Variants in TMEM131L observed in about 807,000 individuals in gnomAD.
The protein encoded by TMEM131L is transmembrane 131 like, also known as transmembrane protein 131-like.
In TMEM131L, 54 loss-of-function variants were observed where a neutral mutation model predicts 192.2. The ratio of observed to expected loss-of-function variants is 0.28; its 90% CI spans 0.23 to 0.35. The LOEUF (loss-of-function observed/expected upper bound fraction) is 0.35, where lower values mean the gene tolerates loss of function less well. Among genes scored for constraint, TMEM131L ranks in the 10% least tolerant of loss-of-function variants. The probability of loss-of-function intolerance (pLI) is 1.00; values close to 1 mark genes in which losing one functional copy is unlikely to be tolerated. For synonymous variants in TMEM131L, 701 were observed against 704.9 expected (o/e 0.99, Z 0.09); for missense variants, 1,888 against 1,972.9 (o/e 0.96, Z 0.82).
chr4:153,582,492 T>C (rs905088468), intron 9 of TMEM131L, among the ~76,000 whole-genome samples: 4 of 137,218 alleles, frequency 2.9e-5, no homozygotes, highest in Non-Finnish European at 4.6e-5. Context: ...TTGCTCAGGA[T>C]GGTCTTGAAC....
chr4:153,522,771 A>G (rs987110348), intron 3 of TMEM131L, among the ~76,000 whole-genome samples: 3 of 152,212 alleles, frequency 2.0e-5, no homozygotes, highest in Non-Finnish European at 4.4e-5. Context: ...ATCGTGTGCC[A>G]CAGCCCATTT....
chr4:153,633,275 G>A (rs1734343255), intron 32 of TMEM131L: 2 of 159,040 alleles, frequency 1.3e-5, no homozygotes, highest in Admixed American at 1.3e-4. Flanking sequence ...GGAGCGCAGT[G>A]GTGCAATTAT....
At chr4:153,500,636 T>A (rs1002026481) in intron 3 of TMEM131L, among the ~76,000 whole-genome samples, 1 of 152,232 alleles carries the variant, frequency 6.6e-6, no homozygotes, top group Non-Finnish European at 1.5e-5. Context: ...GTCCGTCATC[T>A]TCTTTTTATT....
chr4:153,621,875 TG>T, intron 28 of TMEM131L, 26 bp downstream of exon 28: 1 of 1,607,752 alleles, frequency 6.2e-7, no homozygotes, highest in East Asian at 2.2e-5. Context: ...GAGCTACAAA[TG>T]GTGCTTCTGT....
In TMEM131L at chr4:153,623,959, G is replaced by C. The variant is rs191534441; in HGVS notation, c.4045+876G>C. 5.3e-5 allele frequency among the ~76,000 whole-genome samples: 8 copies of C among 151,266 alleles called. No individual in the cohort carries two copies. In the South Asian group the frequency reaches 1.5e-3, roughly 28 times the overall value. On this transcript the variant is annotated intron_variant, in intron 29 of 34. Coordinates refer to ENST00000409959, the MANE Select transcript of TMEM131L (RefSeq NM_001131007.2). ...CTTCCCAAGAGAATCACTGTTTACT[G>C]TCATGAATTTGGTCTGGGTACTTTT...
At chr4:153,521,993 T>C (rs941928248) in intron 3 of TMEM131L, among the ~76,000 whole-genome samples, 4 of 152,132 alleles carry the variant, frequency 2.6e-5, no homozygotes, top group Non-Finnish European at 5.9e-5. Context: ...ACTTTTGTTA[T>C]TTTGGTGTAT....
intron 21 of TMEM131L, among the ~76,000 whole-genome samples, chr4:153,601,543 C>G (rs1731839426): frequency 6.6e-6 from 1 of 152,188 alleles, no homozygotes; most frequent in South Asian, 2.1e-4. Flanking sequence ...AAACAAACAC[C>G]TGTAGAACCA....
intron 2 of TMEM131L, among the ~76,000 whole-genome samples, chr4:153,469,403 A>G (rs1227554735): frequency 6.6e-6 from 1 of 152,128 alleles, no homozygotes; most frequent in Non-Finnish European, 1.5e-5. Flanking sequence ...AGTTATTTTA[A>G]GTGAATTATT....
At chr4:153,521,054 T>C (rs1193423166) in intron 3 of TMEM131L, among the ~76,000 whole-genome samples, 1 of 152,176 alleles carries the variant, frequency 6.6e-6, no homozygotes, top group Non-Finnish European at 1.5e-5. Flanking sequence ...GAAGTGGTTG[T>C]AGGGAGTATC....
intron 3 of TMEM131L, among the ~76,000 whole-genome samples, chr4:153,541,607 C>G (rs550181411): frequency 1.2e-4 from 18 of 152,182 alleles, no homozygotes; most frequent in African/African-American, 3.1e-4. Flanking sequence ...GATGGAAACA[C>G]GAGTCAGGAG....
At chr4:153,557,730 G>A (rs1728570107) in intron 6 of TMEM131L, among the ~76,000 whole-genome samples, 1 of 152,186 alleles carries the variant, frequency 6.6e-6, no homozygotes, top group Admixed American at 6.5e-5. Flanking sequence ...CAGAAGAGTT[G>A]CCTACTTGTG....
chr4:153,617,091 C>G (rs1189264664), intron 26 of TMEM131L, among the ~76,000 whole-genome samples: 1 of 152,062 alleles, frequency 6.6e-6, no homozygotes. Context: ...GGGAGGAACC[C>G]TATGGGAGGT....
chr4:153,570,691 T>G (rs533709372), intron 7 of TMEM131L, among the ~76,000 whole-genome samples: 1 of 152,346 alleles, frequency 6.6e-6, no homozygotes, highest in African/African-American at 2.4e-5. Context: ...GCAGAGCTTC[T>G]GCAGTCTGTG....
intron 3 of TMEM131L, among the ~76,000 whole-genome samples, chr4:153,526,159 C>A (rs1010598202): frequency 2.0e-5 from 3 of 152,064 alleles, no homozygotes; most frequent in African/African-American, 7.2e-5. Flanking sequence ...ACCCAGCCTG[C>A]TACTCCACTT....
chr4:153,487,165 C>T (rs1156726003), intron 3 of TMEM131L, among the ~76,000 whole-genome samples: 1 of 152,138 alleles, frequency 6.6e-6, no homozygotes, highest in Non-Finnish European at 1.5e-5. Flanking sequence ...GGTGAGGCAG[C>T]TCAGGGACCA....
chr4:153,536,994 C>G (rs185991187), intron 3 of TMEM131L, among the ~76,000 whole-genome samples: 1 of 152,296 alleles, frequency 6.6e-6, no homozygotes, highest in East Asian at 1.9e-4. Flanking sequence ...CCTGGCTGCG[C>G]TGGCAGCTGA....
chr4:153,631,526 A>G (rs1027141997), intron 31 of TMEM131L, among the ~76,000 whole-genome samples: 1 of 152,024 alleles, frequency 6.6e-6, no homozygotes, highest in Non-Finnish European at 1.5e-5. Flanking sequence ...GAGCTTTGGG[A>G]CCCCAAAGCT....
chr4:153,591,708 C>T (rs1211176050), intron 17 of TMEM131L, among the ~76,000 whole-genome samples: 2 of 152,158 alleles, frequency 1.3e-5, no homozygotes, highest in Non-Finnish European at 2.9e-5. Context: ...GAACTCTATA[C>T]CACACGTGAC....
chr4:153,603,945 A>G lies in TMEM131L; in HGVS notation c.2933A>G (p.Lys978Arg). 6.2e-7 allele frequency: 1 copy of G among 1,614,102 alleles called. No homozygotes were observed. The highest frequency in any genetic ancestry group is 8.5e-7 in the Non-Finnish European group (1 of 1,179,990). Residue 978 changes from lysine (K) to arginine (R), a missense_variant, in exon 25 of 35, where the codon AAG becomes AGG. Lys to Arg is a conservative substitution (Grantham distance 26). Coordinates refer to ENST00000409959, the MANE Select transcript of TMEM131L (RefSeq NM_001131007.2). Reference sequence around the variant, plus strand: ...GCCACCTATGGTCATTCTCAGAAGAAGCACAAATGCTCAGTGTATTACAGT... The same window carrying G: ...GCCACCTATGGTCATTCTCAGAAGAGGCACAAATGCTCAGTGTATTACAGT... ...SPATYGHSQK[K>R]HKCSVYYSKH...
Sources: allele counts gnomAD v4.1 joint callset (sites outside exome capture counted in the v4.1 genomes callset), GRCh38; gene constraint gnomAD v4.1.1; transcripts MANE v1.5; gene names NCBI Gene and HGNC (gene_info 2026-07-23, HGNC 2026-07-21).